The following NEK9 variants were observed in gnomAD, a reference collection of about 807,000 sequenced individuals.
NEK9 encodes the protein serine/threonine-protein kinase Nek9.
NEK9 carries 75 observed loss-of-function variants against 123.4 expected under a neutral mutation model. The observed-to-expected ratio is 0.61, with a 90% confidence interval of 0.50 to 0.74. The LOEUF is 0.74. Among genes scored for constraint, NEK9 ranks in the 30% least tolerant of loss-of-function variants. The pLI, the probability that NEK9 is intolerant of heterozygous loss-of-function variation, is 0.00. For missense variants in NEK9, 952 were observed against 1,214.4 expected, an observed-to-expected ratio of 0.78 and a Z score of 3.21; for synonymous variants, 438 against 458.7, an observed-to-expected ratio of 0.95 and a Z score of 0.58.
At chr14:75,091,989 TTTTA>T (rs1894232818) in intron 18 of NEK9, among the ~76,000 whole-genome samples, 1 of 152,210 alleles carries the variant, frequency 6.6e-6, no homozygotes, top group Non-Finnish European at 1.5e-5. Context: ...ACTTTTTTTT[TTTTA>T]TTTGAGACCG....
At chr14:75,094,905 T>C (rs1157824873) in intron 18 of NEK9, among the ~76,000 whole-genome samples, 2 of 152,074 alleles carry the variant, frequency 1.3e-5, no homozygotes, top group Admixed American at 1.3e-4. Flanking sequence ...TCCCCAATAA[T>C]AGAGAACCAT....
chr14:75,091,415 T>C lies in NEK9; in HGVS notation c.2297A>G (p.Gln766Arg). The part of the protein sequence containing the change: ...GGGGGEEEDS[Q>R]QESETPDPSG... ...TGGGTCAGGAGTTTCAGATTCCTGC[T>C]GACTGTCCTCTTCTTCACCACCGCC... is the stretch of plus-strand genomic sequence containing the variant. Residue 766 changes from glutamine to arginine, a missense_variant, in exon 19 of 22, where the codon CAG (glutamine) becomes CGG (arginine). Gln to Arg is a conservative substitution (Grantham distance 43). Transcript: ENST00000238616. 1 of 1,613,328 alleles carries C rather than the reference T, an allele frequency of 6.2e-7. No individual in the cohort carries two copies.
intron 2 of NEK9, among the ~76,000 whole-genome samples, chr14:75,122,930 C>T (rs1895389436): frequency 6.6e-6 from 1 of 151,548 alleles, no homozygotes; most frequent in Non-Finnish European, 1.5e-5. Context: ...TCCCAAGTAG[C>T]TGTGACTACA....
chr14:75,096,908 G>C (rs549347274), intron 17 of NEK9, 192 bp downstream of exon 17: 66 of 420,028 alleles, frequency 1.6e-4, no homozygotes, highest in African/African-American at 1.3e-3. Flanking sequence ...TCAAGAGATG[G>C]CAGATAGCAA....
chr14:75,084,885 C>A, intron 21 of NEK9, 199 bp from the exon 22 acceptor site: 1 of 558,446 alleles, frequency 1.8e-6, no homozygotes, highest in South Asian at 2.3e-5. Context: ...GGTAGGGTGA[C>A]CAACTATCCA....
chr14:75,096,276 CAAAAAAAA>C (rs57130386), intron 17 of NEK9, among the ~76,000 whole-genome samples: 1 of 79,726 alleles, frequency 1.3e-5, no homozygotes, highest in Non-Finnish European at 2.3e-5. Flanking sequence ...GACTTCGTCT[CAAAAAAAA>C]AAAAAAAAAA....
At chr14:75,109,409 A>G (rs1029055594) in intron 10 of NEK9, among the ~76,000 whole-genome samples, 11 of 152,182 alleles carry the variant, frequency 7.2e-5, no homozygotes, top group African/African-American at 2.7e-4. Context: ...CCAGCTGTAA[A>G]TGGGAAACCC....
chr14:75,104,520 C>T (rs1566649799), intron 13 of NEK9, among the ~76,000 whole-genome samples: 2 of 141,452 alleles, frequency 1.4e-5, no homozygotes. Flanking sequence ...CTTGCTCTGT[C>T]GCCCAGGCTG....
intron 10 of NEK9, among the ~76,000 whole-genome samples, chr14:75,108,389 G>A (rs751790096): frequency 6.6e-6 from 1 of 151,774 alleles, no homozygotes; most frequent in African/African-American, 2.4e-5. Context: ...GCCTCCCAAA[G>A]TTTTGAGATT....
chr14:75,121,525 G>C (rs891987165), intron 2 of NEK9, among the ~76,000 whole-genome samples: 2 of 152,134 alleles, frequency 1.3e-5, no homozygotes, highest in Admixed American at 1.3e-4. Context: ...CAATATTTTT[G>C]TAACAACTCT....
intron 10 of NEK9, 108 bp downstream of exon 10, chr14:75,109,577 G>T: frequency 1.0e-6 from 1 of 974,084 alleles, no homozygotes; most frequent in Non-Finnish European, 1.6e-6. Flanking sequence ...ATCACCCCAT[G>T]TTGCCACTCC....
At position 75,101,643 on chromosome 14, in the gene NEK9, G is replaced by A; in HGVS notation, c.1840+14C>T. On this transcript the variant is annotated intron_variant, in intron 15 of 21. Transcript: ENST00000238616. ...AGCTACTAAGGCATGTGATACAGTT[G>A]TAAATCAACTTACCATCAATAGCAG... The A allele has an allele frequency of 6.4e-7, 1 of 1,572,994 alleles. No individual in the cohort carries two copies. The highest frequency in any genetic ancestry group is 1.1e-5 in the South Asian group (1 of 90,098).
rs7146770 is a variant in NEK9, at chr14:75,085,855, A to G, written c.2817+1163T>C. Among the ~76,000 whole-genome samples, 906 of 152,240 alleles carry G rather than the reference A, an allele frequency of 6.0e-3. 8 individuals carry two copies. The highest frequency in any genetic ancestry group is 0.021 in the African/African-American group (872 of 41,554). On this transcript the variant is annotated intron_variant, in intron 21 of 21. Coordinates refer to ENST00000238616, the MANE Select transcript of NEK9 (RefSeq NM_033116.6). The stretch of plus-strand genomic sequence containing the variant: ...CAGTGATCCATGTTTGTGCCACTGC[A>G]CTCCAGCCTTGGTGACAATGCAAGA...
intron 2 of NEK9, among the ~76,000 whole-genome samples, chr14:75,121,707 C>T (rs1223041644): frequency 6.6e-6 from 1 of 152,218 alleles, no homozygotes; most frequent in Non-Finnish European, 1.5e-5. Flanking sequence ...AAAAGTTAGC[C>T]AGCTGTTGGG....
intron 3 of NEK9, 188 bp from the exon 4 acceptor site, chr14:75,120,768 G>C: frequency 1.7e-6 from 1 of 583,006 alleles, no homozygotes; most frequent in South Asian, 2.2e-5. Flanking sequence ...CAAAAAACAG[G>C]TTCCTCATAA....
At chr14:75,089,916 C>T (rs1894156463) in intron 19 of NEK9, among the ~76,000 whole-genome samples, 1 of 151,908 alleles carries the variant, frequency 6.6e-6, no homozygotes, top group African/African-American at 2.4e-5. Context: ...CCAGGATGGT[C>T]TTGATCTCTT....
chr14:75,090,625 A>G (rs1894185780), intron 19 of NEK9, among the ~76,000 whole-genome samples: 1 of 151,718 alleles, frequency 6.6e-6, no homozygotes, highest in South Asian at 2.1e-4. Context: ...GCAGTGGTAC[A>G]ATCATGGCAC....
intron 19 of NEK9, among the ~76,000 whole-genome samples, chr14:75,091,025 T>C (rs1267425930): frequency 6.6e-6 from 1 of 152,232 alleles, no homozygotes; most frequent in East Asian, 1.9e-4. Context: ...GCCATCAAGG[T>C]AGGTTATAGT....
At chr14:75,114,182 G>A in intron 7 of NEK9, 21 bp downstream of exon 7, 1 of 1,536,476 alleles carries the variant, frequency 6.5e-7, no homozygotes. Flanking sequence ...AAACTGAAGT[G>A]AATGTTTAAG....
Sources: gnomAD v4.1 joint callset for allele counts (sites outside exome capture counted in the v4.1 genomes callset) on GRCh38, gnomAD v4.1.1 for gene constraint, MANE v1.5 for transcripts, NCBI Gene and HGNC (gene_info 2026-07-23, HGNC 2026-07-21) for gene names.